Variants in POU2AF2 observed in about 807,000 individuals in gnomAD.
The protein encoded by POU2AF2 is POU class 2 homeobox associating factor 2.
the POU2AF2 span, among the ~76,000 whole-genome samples, chr11:111,267,521 T>C: frequency 6.6e-6 from 1 of 152,252 alleles, no homozygotes; most frequent in African/African-American, 2.4e-5. Flanking sequence ...TTTGGATTTC[T>C]TTTCTGAATA....
chr11:111,262,575 A>C, the POU2AF2 span, among the ~76,000 whole-genome samples: 1 of 152,242 alleles, frequency 6.6e-6, no homozygotes, highest in African/African-American at 2.4e-5. Flanking sequence ...CTATCATCTC[A>C]AAGTTTCTTT....
chr11:111,257,065 A>T, the POU2AF2 span, among the ~76,000 whole-genome samples: 1 of 152,256 alleles, frequency 6.6e-6, no homozygotes, highest in East Asian at 1.9e-4. Context: ...TACCAAGATC[A>T]GCATATAAAC....
At chr11:111,248,846 T>A in the POU2AF2 span, among the ~76,000 whole-genome samples, 1 of 152,200 alleles carries the variant, frequency 6.6e-6, no homozygotes, top group Non-Finnish European at 1.5e-5. Context: ...AGTTTAAAAA[T>A]CACCTGTATT....
At chr11:111,280,055 A>ATATATATATATAT in the POU2AF2 span, among the ~76,000 whole-genome samples, 62 of 65,656 alleles carry the variant, frequency 9.4e-4, no homozygotes, top group African/African-American at 2.4e-3. Flanking sequence ...AAAAAAAAAA[A>ATATATATATATAT]AAATATATAT....
the POU2AF2 span, among the ~76,000 whole-genome samples, chr11:111,281,075 C>T: frequency 8.9e-3 from 1,348 of 152,126 alleles, 21 homozygotes; most frequent in African/African-American, 0.03. Context: ...ACTGGATATG[C>T]GTATATATAG....
the POU2AF2 span, among the ~76,000 whole-genome samples, chr11:111,259,247 C>T: frequency 2.6e-5 from 4 of 151,118 alleles, no homozygotes; most frequent in Non-Finnish European, 5.9e-5. Context: ...ACAAGAGAAG[C>T]GAAGTAATTA....
chr11:111,253,742 G>A, the POU2AF2 span, among the ~76,000 whole-genome samples: 1 of 152,196 alleles, frequency 6.6e-6, no homozygotes, highest in Non-Finnish European at 1.5e-5. Context: ...CCTAGAGGAT[G>A]CATTCCAAAC....
chr11:111,284,538 A>T, the POU2AF2 span, among the ~76,000 whole-genome samples: 1,560 of 152,320 alleles, frequency 0.01, 28 homozygotes, highest in African/African-American at 0.034. Flanking sequence ...ACACCCTCCG[A>T]GGGAGCCTTG....
the POU2AF2 span, among the ~76,000 whole-genome samples, chr11:111,254,431 C>T: frequency 3.3e-5 from 5 of 152,092 alleles, no homozygotes; most frequent in Admixed American, 2.6e-4. Context: ...CATTTTGTAT[C>T]GGTGTTTTGT....
chr11:111,251,036 A>C, the POU2AF2 span, among the ~76,000 whole-genome samples: 22 of 152,180 alleles, frequency 1.4e-4, no homozygotes, highest in Non-Finnish European at 3.1e-4. Context: ...TCAGGGACAC[A>C]ATTGAACTTG....
chr11:111,248,429 T>A, the POU2AF2 span, among the ~76,000 whole-genome samples: 1 of 152,114 alleles, frequency 6.6e-6, no homozygotes, highest in African/African-American at 2.4e-5. Context: ...ATTCTTGGCA[T>A]CTCCCTGACA....
At chr11:111,282,973 G>A in the POU2AF2 span, among the ~76,000 whole-genome samples, 3 of 150,688 alleles carry the variant, frequency 2.0e-5, no homozygotes, top group Non-Finnish European at 4.4e-5. Context: ...TTTTTCCTTG[G>A]AAACCATTTC....
chr11:111,283,115 T>C, the POU2AF2 span, among the ~76,000 whole-genome samples: 4 of 143,186 alleles, frequency 2.8e-5, no homozygotes, highest in Non-Finnish European at 6.0e-5. Flanking sequence ...CTCAGCTCAC[T>C]GCAACCTCCA....
At chr11:111,275,378 A>G in the POU2AF2 span, among the ~76,000 whole-genome samples, 1 of 152,168 alleles carries the variant, frequency 6.6e-6, no homozygotes, top group Non-Finnish European at 1.5e-5. Flanking sequence ...GCACCAAATG[A>G]TGAGAAGGTG....
chr11:111,270,692 G>C, the POU2AF2 span, among the ~76,000 whole-genome samples: 1 of 152,120 alleles, frequency 6.6e-6, no homozygotes, highest in African/African-American at 2.4e-5. Context: ...CTCTCATACA[G>C]GTATCAGCAG....
chr11:111,264,544 GAA>G, the POU2AF2 span, among the ~76,000 whole-genome samples: 390 of 64,172 alleles, frequency 6.1e-3, 22 homozygotes, highest in African/African-American at 0.017. Flanking sequence ...AAGAAAGAAA[GAA>G]AGAAAGAAAG....
the POU2AF2 span, among the ~76,000 whole-genome samples, chr11:111,270,578 G>A: frequency 6.6e-6 from 1 of 152,086 alleles, no homozygotes; most frequent in East Asian, 1.9e-4. Context: ...ATTCTTCTTG[G>A]CCTTAGAATT....
the POU2AF2 span, among the ~76,000 whole-genome samples, chr11:111,276,109 T>C: frequency 6.6e-6 from 1 of 152,042 alleles, no homozygotes; most frequent in Non-Finnish European, 1.5e-5. Context: ...AGATGATGGC[T>C]GACATTTTTT....
At chr11:111,279,319 T>C in the POU2AF2 span, among the ~76,000 whole-genome samples, 3 of 152,198 alleles carry the variant, frequency 2.0e-5, no homozygotes, top group African/African-American at 4.8e-5. Flanking sequence ...CAATCACCCC[T>C]GTATTGGTGT....
Sources: gnomAD v4.1 joint callset for allele counts (sites outside exome capture counted in the v4.1 genomes callset) on GRCh38, gnomAD v4.1.1 for gene constraint, MANE v1.5 for transcripts, NCBI Gene and HGNC (gene_info 2026-07-23, HGNC 2026-07-21) for gene names.